Variants in ROBO2 observed in about 807,000 individuals in gnomAD.
The protein encoded by ROBO2 is roundabout homolog 2.
A neutral mutation model predicts 160.8 loss-of-function variants in ROBO2; 53 were observed. The ratio of observed to expected loss-of-function variants is 0.33; its 90% CI spans 0.26 to 0.41. The LOEUF (loss-of-function observed/expected upper bound fraction) is 0.41, where lower values mean the gene tolerates loss of function less well. Among genes scored for constraint, ROBO2 ranks in the 10% least tolerant of loss-of-function variants. ROBO2 has a pLI of 1.00. For synonymous variants in ROBO2, 664 were observed against 611.7 expected (o/e 1.09, Z -1.26); for missense variants, 1,577 against 1,722.4 (o/e 0.92, Z 1.49).
chr3:77,297,237 T>C (rs2062229905), intron 2 of ROBO2, among the ~76,000 whole-genome samples: 1 of 152,152 alleles, frequency 6.6e-6, no homozygotes, highest in East Asian at 1.9e-4. Context: ...CAACTACTGA[T>C]GTTCAGGCTC....
intron 2 of ROBO2, among the ~76,000 whole-genome samples, chr3:77,286,122 G>A (rs774943432): frequency 6.6e-6 from 1 of 152,068 alleles, no homozygotes; most frequent in Non-Finnish European, 1.5e-5. Flanking sequence ...AAAAATGGAA[G>A]CTTGTTGTAG....
intron 2 of ROBO2, among the ~76,000 whole-genome samples, chr3:76,007,300 CT>C (rs2066050246): frequency 1.3e-5 from 2 of 152,096 alleles, no homozygotes; most frequent in East Asian, 1.9e-4. Flanking sequence ...TCTTTTAGCA[CT>C]TTTTTTGTAT....
At chr3:76,637,678 A>G (rs1052950539) in intron 2 of ROBO2, among the ~76,000 whole-genome samples, 1 of 152,208 alleles carries the variant, frequency 6.6e-6, no homozygotes, top group Non-Finnish European at 1.5e-5. Flanking sequence ...GAGCTTTTGA[A>G]ATGCTAGAGG....
chr3:76,849,742 G>A (rs1340042894), intron 2 of ROBO2, among the ~76,000 whole-genome samples: 1 of 152,102 alleles, frequency 6.6e-6, no homozygotes, highest in Non-Finnish European at 1.5e-5. Context: ...AGCAGGTAGT[G>A]GGCACTCTAT....
At chr3:77,223,444 A>G (rs569633114) in intron 2 of ROBO2, among the ~76,000 whole-genome samples, 2 of 152,246 alleles carry the variant, frequency 1.3e-5, no homozygotes, top group African/African-American at 4.8e-5. Flanking sequence ...GTTGATGCAC[A>G]TTTAATGTCA....
chr3:76,733,755 T>C (rs906529571), intron 2 of ROBO2, among the ~76,000 whole-genome samples: 3 of 152,350 alleles, frequency 2.0e-5, no homozygotes, highest in African/African-American at 7.2e-5. Context: ...TACTCATTTA[T>C]GTTTGTCCAC....
intron 2 of ROBO2, among the ~76,000 whole-genome samples, chr3:76,033,156 G>A (rs1160941147): frequency 6.6e-6 from 1 of 151,960 alleles, no homozygotes; most frequent in African/African-American, 2.4e-5. Flanking sequence ...TTTCCTCAGG[G>A]GGGAAAAATA....
At chr3:76,709,517 A>G (rs983307703) in intron 2 of ROBO2, among the ~76,000 whole-genome samples, 1 of 152,180 alleles carries the variant, frequency 6.6e-6, no homozygotes, top group African/African-American at 2.4e-5. Context: ...TCACATATCA[A>G]CACATACCTG....
chr3:77,271,562 C>G (rs2059492411), intron 2 of ROBO2, among the ~76,000 whole-genome samples: 1 of 152,194 alleles, frequency 6.6e-6, no homozygotes, highest in African/African-American at 2.4e-5. Context: ...AGAGCCTCCA[C>G]AGTCTGCTAT....
rs181471870 is a variant in ROBO2, at chr3:77,098,186, C to T, written c.234C>T (p.Pro78=). Residue 78 remains proline (P), a synonymous_variant, in exon 2 of 26, where the codon CCC becomes CCT. Transcript: ENST00000461745. ...GAGTGGAGACTGACAAGGACGATCC[C>T]CGGTCCCACAGGATGCTTCTGCCCA... 2.5e-5 allele frequency: 41 copies of T among 1,614,172 alleles called. No homozygotes were observed. The African/African-American group carries it at 4.9e-4, about 19-fold the overall frequency.
intron 2 of ROBO2, among the ~76,000 whole-genome samples, chr3:76,323,224 G>A (rs1271004204): frequency 6.6e-6 from 1 of 151,296 alleles, no homozygotes; most frequent in Non-Finnish European, 1.5e-5. Flanking sequence ...TTGTGTGCCA[G>A]CATTGTGTTA....
intron 2 of ROBO2, among the ~76,000 whole-genome samples, chr3:77,381,642 T>C (rs1190070721): frequency 6.6e-6 from 1 of 152,194 alleles, no homozygotes; most frequent in Non-Finnish European, 1.5e-5. Context: ...CATGGTTAGA[T>C]AATCACAAGT....
chr3:76,573,069 TTTAA>T (rs2085052705), intron 2 of ROBO2, among the ~76,000 whole-genome samples: 1 of 152,138 alleles, frequency 6.6e-6, no homozygotes. Context: ...TTGAATTAAT[TTTAA>T]TTAGTTAGTT....
intron 2 of ROBO2, among the ~76,000 whole-genome samples, chr3:76,725,053 T>G (rs1382254998): frequency 6.6e-6 from 1 of 152,152 alleles, no homozygotes; most frequent in Non-Finnish European, 1.5e-5. Flanking sequence ...TGATGTCAGC[T>G]CAGTAATACT....
intron 2 of ROBO2, among the ~76,000 whole-genome samples, chr3:75,951,498 A>G (rs1200577527): frequency 2.6e-5 from 4 of 152,112 alleles, no homozygotes; most frequent in Non-Finnish European, 5.9e-5. Context: ...TTGTAGGCCC[A>G]TAATATGTGA....
At chr3:77,041,028 T>C (rs1256093607) in intron 1 of ROBO2, among the ~76,000 whole-genome samples, 182 bp downstream of exon 1, 1 of 152,234 alleles carries the variant, frequency 6.6e-6, no homozygotes, top group Non-Finnish European at 1.5e-5. Flanking sequence ...TCTAAACTGC[T>C]GTAAGTGGAA....
rs544988425 is a variant in ROBO2, at chr3:76,873,831, TTC to T, written c.110-224179_110-224178del. Among the ~76,000 whole-genome samples the T allele has an allele frequency of 9.1e-4, 138 of 151,890 alleles. 1 individual carries two copies. Among genetic ancestry groups the T allele is most frequent in the South Asian group, 7.8e-3 (37 of 4,758 alleles). On this transcript the variant is annotated intron_variant, in intron 2 of 26. Transcript: ENST00000487694. Reference sequence around the variant, plus strand: ...TGATGCTTGCTGCTTAGAAAAGAGGTTCTCTTTGCATTCCTTATTTCCTGTAG... The same window carrying T: ...TGATGCTTGCTGCTTAGAAAAGAGGTTCTTTGCATTCCTTATTTCCTGTAG...
intron 2 of ROBO2, among the ~76,000 whole-genome samples, chr3:76,733,803 A>G (rs952743363): frequency 3.9e-5 from 6 of 152,164 alleles, no homozygotes; most frequent in South Asian, 2.1e-4. Flanking sequence ...ACAATTACGA[A>G]TGGCTGGATG....
chr3:77,546,004 T>A (rs1249009470), intron 6 of ROBO2, among the ~76,000 whole-genome samples: 1 of 152,146 alleles, frequency 6.6e-6, no homozygotes, highest in Non-Finnish European at 1.5e-5. Flanking sequence ...TATCTTTATT[T>A]ATTTAAAAAG....
Sources: allele counts gnomAD v4.1 joint callset (sites outside exome capture counted in the v4.1 genomes callset), GRCh38; gene constraint gnomAD v4.1.1; transcripts MANE v1.5; gene names NCBI Gene and HGNC (gene_info 2026-07-23, HGNC 2026-07-21).